The following SEL1L2 variants were observed in gnomAD, a reference collection of about 807,000 sequenced individuals.
The protein encoded by SEL1L2 is protein sel-1 homolog 2.
A neutral mutation model predicts 98.8 loss-of-function variants in SEL1L2; 89 were observed. The observed-to-expected ratio is 0.90, with a 90% CI of 0.76 to 1.07. The LOEUF is 1.07. Among genes scored for constraint, SEL1L2 ranks in the 50% least tolerant of loss-of-function variants. The pLI is 0.00. For synonymous variants in SEL1L2, 262 were observed against 278.5 expected, an observed-to-expected ratio of 0.94 and a Z score of 0.59; for missense variants, 788 against 812.0, an observed-to-expected ratio of 0.97 and a Z score of 0.36.
chr20:13,897,558 A>T (rs1187225597), intron 5 of SEL1L2, among the ~76,000 whole-genome samples: 1 of 152,118 alleles, frequency 6.6e-6, no homozygotes, highest in Non-Finnish European at 1.5e-5. Flanking sequence ...AATAACAAAA[A>T]CCCCCAAGTA....
chr20:13,981,685 T>C (rs377010845), intron 1 of SEL1L2, among the ~76,000 whole-genome samples: 1 of 152,164 alleles, frequency 6.6e-6, no homozygotes, highest in Non-Finnish European at 1.5e-5. Context: ...GAAATGTGCT[T>C]TTTTACTGAT....
chr20:13,929,130 A>C (rs1245435817), intron 3 of SEL1L2, among the ~76,000 whole-genome samples: 1 of 152,218 alleles, frequency 6.6e-6, no homozygotes, highest in Non-Finnish European at 1.5e-5. Context: ...GCTTCAGCTC[A>C]TGCCCAAGAG....
chr20:13,955,830 AC>A (rs2050510575), intron 2 of SEL1L2, among the ~76,000 whole-genome samples: 2 of 152,200 alleles, frequency 1.3e-5, no homozygotes, highest in African/African-American at 4.8e-5. Context: ...AACCACAATT[AC>A]TTTTGCACCA....
rs184371427 is a variant in SEL1L2, at chr20:13,971,714, C to T, written c.59-15583G>A. On this transcript the variant is annotated intron_variant, in intron 1 of 19. Coordinates refer to ENST00000284951, the MANE Select transcript of SEL1L2 (RefSeq NM_025229.2). ...CCTCCCAAAGTGTTGGGATTACAGG[C>T]GTGAGCCACCGTGCCTGGCTACAAT... Among the ~76,000 whole-genome samples, 229 of 152,142 alleles carry T rather than the reference C, an allele frequency of 1.5e-3. 1 individual carries two copies. Among genetic ancestry groups the T allele is most frequent in the African/African-American group, 5.1e-3 (213 of 41,510 alleles).
chr20:13,961,493 G>A (rs1044539242), intron 1 of SEL1L2, among the ~76,000 whole-genome samples: 1 of 152,168 alleles, frequency 6.6e-6, no homozygotes, highest in Non-Finnish European at 1.5e-5. Flanking sequence ...GCATGGAGGG[G>A]AAGCCCATCG....
intron 5 of SEL1L2, among the ~76,000 whole-genome samples, chr20:13,888,966 T>TG (rs1319660922): frequency 1.9e-4 from 28 of 148,812 alleles, no homozygotes; most frequent in African/African-American, 2.2e-4. Flanking sequence ...CTTTTCTTTT[T>TG]TTTTTTTTTG....
At chr20:13,906,634 A>T (rs1448099213) in intron 5 of SEL1L2, among the ~76,000 whole-genome samples, 1 of 152,184 alleles carries the variant, frequency 6.6e-6, no homozygotes, top group Non-Finnish European at 1.5e-5. Flanking sequence ...GTATTAGCAC[A>T]GTTCTAATAA....
intron 2 of SEL1L2, among the ~76,000 whole-genome samples, chr20:13,946,753 C>T (rs6042445): frequency 6.6e-6 from 1 of 151,902 alleles, no homozygotes; most frequent in African/African-American, 2.4e-5. Flanking sequence ...ATCCCGCAGG[C>T]TTGGAAGTGC....
intron 5 of SEL1L2, among the ~76,000 whole-genome samples, chr20:13,895,968 T>G (rs1158921347): frequency 1.3e-5 from 2 of 149,434 alleles, no homozygotes; most frequent in Admixed American, 6.7e-5. Context: ...AGGTCAGGGG[T>G]TTGAGACCAG....
intron 10 of SEL1L2, among the ~76,000 whole-genome samples, chr20:13,883,043 A>C (rs938918103): frequency 3.3e-5 from 5 of 151,914 alleles, no homozygotes; most frequent in Admixed American, 2.6e-4. Flanking sequence ...GATGGTCTCG[A>C]TCTCCTGACC....
At chr20:13,942,648 A>G (rs2049832958) in intron 2 of SEL1L2, among the ~76,000 whole-genome samples, 1 of 152,234 alleles carries the variant, frequency 6.6e-6, no homozygotes, top group Non-Finnish European at 1.5e-5. Context: ...ATTTAACATC[A>G]GTCATAATAC....
intron 1 of SEL1L2, among the ~76,000 whole-genome samples, chr20:13,972,814 A>C (rs1220703994): frequency 1.3e-5 from 2 of 152,176 alleles, no homozygotes; most frequent in African/African-American, 4.8e-5. Flanking sequence ...AGAAGCTTTT[A>C]GGATTTTCTC....
intron 1 of SEL1L2, among the ~76,000 whole-genome samples, chr20:13,956,700 CTA>C (rs1172106322): frequency 1.3e-5 from 2 of 151,700 alleles, no homozygotes; most frequent in African/African-American, 2.4e-5. Flanking sequence ...TTTATAAAGA[CTA>C]TATATATATC....
chr20:13,991,611 T>A (rs2052535832), upstream of SEL1L2, among the ~76,000 whole-genome samples: 1 of 152,194 alleles, frequency 6.6e-6, no homozygotes, highest in Non-Finnish European at 1.5e-5. Flanking sequence ...TGTAGTTTAA[T>A]CTCCCTTTGT....
At position 13,919,062 on chromosome 20, in the gene SEL1L2, G is replaced by A. The variant is rs923702377; in HGVS notation, c.345C>T (p.Ile115=). ...DEGDQLFKMG[I]KVLQQSKSQK... Reference sequence around the variant, plus strand: ...GGCTTTTAGACTGCTGGAGAACCTTGATGCCCATCTTAAATAGCTGGTCTC... The same window carrying A: ...GGCTTTTAGACTGCTGGAGAACCTTAATGCCCATCTTAAATAGCTGGTCTC... The change falls in exon 4 of 20, where the codon ATC becomes ATT. Residue 115 remains isoleucine (I), a synonymous_variant. Transcript: ENST00000284951. 4 of 1,613,620 alleles carry A rather than the reference G, an allele frequency of 2.5e-6. No homozygotes were observed. In the African/African-American group the frequency reaches 5.3e-5, roughly 22 times the overall value.
intron 17 of SEL1L2, among the ~76,000 whole-genome samples, chr20:13,861,870 G>A (rs980667359): frequency 9.2e-5 from 14 of 152,096 alleles, no homozygotes; most frequent in African/African-American, 1.2e-4. Context: ...CTGGCTTCTC[G>A]TCATTCTCAG....
intron 1 of SEL1L2, among the ~76,000 whole-genome samples, chr20:13,987,311 G>GTTTTTTTTTTTTTTTTTTTT (rs67919960): frequency 7.6e-6 from 1 of 132,208 alleles, no homozygotes; most frequent in African/African-American, 3.0e-5. Flanking sequence ...TTAATTTACT[G>GTTTTTTTTTTTTTTTTTTTT]TTTTTTTTTT....
chr20:13,918,978 C>A (rs1317771528), intron 4 of SEL1L2, 43 bp downstream of exon 4: 2 of 1,367,690 alleles, frequency 1.5e-6, no homozygotes, highest in African/African-American at 1.5e-5. Flanking sequence ...TTTTTCTTAA[C>A]CTGGAAATTC....
At chr20:13,899,843 G>A (rs1244416038) in intron 5 of SEL1L2, among the ~76,000 whole-genome samples, 1 of 152,114 alleles carries the variant, frequency 6.6e-6, no homozygotes, top group Non-Finnish European at 1.5e-5. Context: ...TATTCTTAAT[G>A]TTGAATTATC....
Sources: allele counts gnomAD v4.1 joint callset (sites outside exome capture counted in the v4.1 genomes callset), GRCh38; gene constraint gnomAD v4.1.1; transcripts MANE v1.5; gene names NCBI Gene and HGNC (gene_info 2026-07-23, HGNC 2026-07-21).